OSBPL11: variants seen among roughly 807,000 people sequenced by gnomAD.
OSBPL11 encodes the protein oxysterol binding protein like 11, also known as oxysterol-binding protein-related protein 11.
OSBPL11 carries 33 observed loss-of-function variants against 84.4 expected under a neutral mutation model. The ratio of observed to expected loss-of-function variants is 0.39; its 90% CI spans 0.30 to 0.52. The LOEUF (loss-of-function observed/expected upper bound fraction) is 0.52. OSBPL11 is among the 20% of genes least tolerant of loss of function. The pLI, the probability that OSBPL11 is intolerant of heterozygous loss-of-function variation, is 0.72. For missense variants in OSBPL11, 736 were observed against 901.1 expected (o/e 0.82, Z 2.35); for synonymous variants, 276 against 310.2 (o/e 0.89, Z 1.16).
rs541063880 is a variant in OSBPL11 at position 125,579,744 on chromosome 3, T to C, written c.409+121A>G. ...AAAGCAGTTCCAAGGTTCAGAATATTGTATTTACATCACTGATGACAGCAG... is the reference window on the plus strand; with the variant it reads ...AAAGCAGTTCCAAGGTTCAGAATATCGTATTTACATCACTGATGACAGCAG... On this transcript the variant is annotated intron_variant, in intron 3 of 12. Transcript: ENST00000296220. The C allele has an allele frequency of 1.2e-5, 10 of 849,770 alleles. No individual in the cohort carries two copies. The South Asian group carries it at 1.5e-4, about 13-fold the overall frequency. 52.6% of individuals were successfully genotyped at this position (849,770 alleles called of 1,614,324 possible).
chr3:125,542,569 C>T (rs1935747197), intron 10 of OSBPL11, among the ~76,000 whole-genome samples: 1 of 149,730 alleles, frequency 6.7e-6, no homozygotes, highest in South Asian at 2.1e-4. Flanking sequence ...AGTGCAGTGG[C>T]ACGATCTCAG....
At position 125,595,092 on chromosome 3, in the gene OSBPL11, C is replaced by A; in HGVS notation, c.-292G>T. On this transcript the variant is annotated 5_prime_UTR_variant, in exon 1 of 13. It removes an upstream start codon present in the reference 5' UTR. Transcript: ENST00000296220. ...GCATCCGGCGAGAAGACTTAAGTGA[C>A]ATACTCAAAAGAGAAGGAGTGTGGG... 1 of 306,990 alleles carries A rather than the reference C, an allele frequency of 3.3e-6. No individual in the cohort carries two copies. The highest frequency in any genetic ancestry group is 6.2e-6 in the Non-Finnish European group (1 of 161,104). The allele number at this position is 306,990 out of a possible 1,614,324, so 19.0% of individuals were successfully genotyped here.
chr3:125,591,144 T>TA (rs1241742111), intron 1 of OSBPL11, among the ~76,000 whole-genome samples: 1 of 152,208 alleles, frequency 6.6e-6, no homozygotes, highest in African/African-American at 2.4e-5. Context: ...ATAAGACACT[T>TA]AAACATTCTG....
At chr3:125,591,633 CAG>C (rs1310656347) in intron 1 of OSBPL11, among the ~76,000 whole-genome samples, 1 of 152,186 alleles carries the variant, frequency 6.6e-6, no homozygotes, top group Non-Finnish European at 1.5e-5. Flanking sequence ...AAGAAAGACT[CAG>C]AGCCAGAAGA....
At chr3:125,577,816 G>C (rs1018443207) in intron 4 of OSBPL11, among the ~76,000 whole-genome samples, 4 of 151,320 alleles carry the variant, frequency 2.6e-5, no homozygotes, top group African/African-American at 9.7e-5. Context: ...GTAACAGAGT[G>C]AGACTCCATC....
intron 8 of OSBPL11, among the ~76,000 whole-genome samples, chr3:125,558,216 C>T (rs1467293762): frequency 6.6e-6 from 1 of 152,184 alleles, no homozygotes; most frequent in Non-Finnish European, 1.5e-5. Flanking sequence ...TTCAAATGCT[C>T]TTATGCCTCA....
intron 10 of OSBPL11, among the ~76,000 whole-genome samples, chr3:125,539,631 G>C (rs1467076503): frequency 6.6e-6 from 1 of 151,886 alleles, no homozygotes; most frequent in African/African-American, 2.4e-5. Context: ...TTTATTTTTA[G>C]TAGAGATGGG....
intron 9 of OSBPL11, among the ~76,000 whole-genome samples, chr3:125,548,459 A>T (rs928101866): frequency 2.0e-5 from 3 of 152,172 alleles, no homozygotes; most frequent in African/African-American, 7.2e-5. Context: ...TGAAGCTAGA[A>T]GAGATAATAG....
intron 5 of OSBPL11, among the ~76,000 whole-genome samples, chr3:125,573,302 C>T (rs745788654): frequency 1.1e-4 from 16 of 152,046 alleles, no homozygotes; most frequent in Non-Finnish European, 1.5e-4. Context: ...GTATATCACT[C>T]AGGTGGCATA....
intron 11 of OSBPL11, among the ~76,000 whole-genome samples, chr3:125,535,349 C>T (rs1935625302): frequency 6.6e-6 from 1 of 151,860 alleles, no homozygotes; most frequent in Admixed American, 6.6e-5. Context: ...CAAAACCTTC[C>T]CCTAAAGAAA....
chr3:125,536,511 T>C (rs563394527), intron 11 of OSBPL11, among the ~76,000 whole-genome samples: 2 of 152,292 alleles, frequency 1.3e-5, no homozygotes, highest in African/African-American at 4.8e-5. Context: ...AGAAAACTAA[T>C]TGGGAAGTTT....
At position 125,594,877 on chromosome 3, in the gene OSBPL11, T is replaced by G. The variant is rs1189423434; in HGVS notation, c.-77A>C. 7.0e-7 allele frequency: 1 copy of G among 1,433,706 alleles called. No homozygotes were observed. The highest frequency in any genetic ancestry group is 1.5e-5 in the African/African-American group (1 of 68,902). The allele number at this position is 1,433,706 out of a possible 1,614,324, so 88.8% of individuals were successfully genotyped here. A position where few individuals can be genotyped will look rare whatever the true frequency, so the allele number is the denominator to read the frequency against. On this transcript the variant is annotated 5_prime_UTR_variant, in exon 1 of 13. Transcript: ENST00000296220. Reference sequence around the variant, plus strand: ...AGTTCTGTAGGTGACTTTTTTTTTTTAAGATTTGATCTGAATATGATACCG... The same window carrying G: ...AGTTCTGTAGGTGACTTTTTTTTTTGAAGATTTGATCTGAATATGATACCG...
intron 1 of OSBPL11, among the ~76,000 whole-genome samples, chr3:125,584,315 G>A (rs1936474067): frequency 6.6e-6 from 1 of 152,054 alleles, no homozygotes; most frequent in African/African-American, 2.4e-5. Context: ...ACAGTGAGCC[G>A]AGACTGCACC....
At chr3:125,549,413 A>G (rs761866313) in intron 9 of OSBPL11, among the ~76,000 whole-genome samples, 3 of 152,242 alleles carry the variant, frequency 2.0e-5, no homozygotes, top group Non-Finnish European at 4.4e-5. Flanking sequence ...AGCACAATAA[A>G]AAATTATTTA....
chr3:125,530,992 T>TC (rs1323728376), intron 12 of OSBPL11, among the ~76,000 whole-genome samples: 1 of 151,574 alleles, frequency 6.6e-6, no homozygotes, highest in Non-Finnish European at 1.5e-5. Flanking sequence ...TCCTTTTTTT[T>TC]TTCCCCCAAG....
intron 5 of OSBPL11, among the ~76,000 whole-genome samples, chr3:125,568,288 AG>A (rs963755539): frequency 1.2e-4 from 18 of 152,196 alleles, no homozygotes; most frequent in African/African-American, 4.3e-4. Flanking sequence ...AAAATTAGCC[AG>A]GCATGGTGGC....
intron 5 of OSBPL11, among the ~76,000 whole-genome samples, chr3:125,572,321 A>T (rs1206786707): frequency 6.6e-6 from 1 of 152,194 alleles, no homozygotes; most frequent in African/African-American, 2.4e-5. Context: ...CTTGTCTCAG[A>T]TGAGACTTTG....
chr3:125,582,427 C>T (rs1479191649), intron 2 of OSBPL11, among the ~76,000 whole-genome samples: 2 of 152,208 alleles, frequency 1.3e-5, no homozygotes, highest in Middle Eastern at 3.4e-3. Context: ...AATTTGATCC[C>T]GTTTAATATG....
chr3:125,548,667 T>C (rs1935855232), intron 9 of OSBPL11, among the ~76,000 whole-genome samples: 1 of 152,044 alleles, frequency 6.6e-6, no homozygotes, highest in Non-Finnish European at 1.5e-5. Flanking sequence ...ACCTGTGTCA[T>C]CAACAGACCA....
Sources: gnomAD v4.1 joint callset for allele counts (sites outside exome capture counted in the v4.1 genomes callset) on GRCh38, gnomAD v4.1.1 for gene constraint, MANE v1.5 for transcripts, NCBI Gene and HGNC (gene_info 2026-07-23, HGNC 2026-07-21) for gene names.